The following AGBL4 variants were observed in gnomAD, a reference collection of about 807,000 sequenced individuals.
The protein encoded by AGBL4 is AGBL carboxypeptidase 4, also known as cytosolic carboxypeptidase 6.
AGBL4 carries 58 observed loss-of-function variants against 66.4 expected under a neutral mutation model. That is an observed-to-expected ratio of 0.87 (90% CI 0.71 to 1.09). AGBL4 has a LOEUF of 1.09. Among genes scored for constraint, AGBL4 ranks in the 50% least tolerant of loss-of-function variants. The pLI is 0.00. For missense variants in AGBL4, 579 were observed against 631.0 expected, an observed-to-expected ratio of 0.92 and a Z score of 0.88; for synonymous variants, 234 against 222.9, an observed-to-expected ratio of 1.05 and a Z score of -0.44.
chr1:48,985,869 A>G (rs890982374), intron 5 of AGBL4, among the ~76,000 whole-genome samples: 1 of 152,164 alleles, frequency 6.6e-6, no homozygotes, highest in Non-Finnish European at 1.5e-5. Context: ...CAAAATGGAC[A>G]TAGAACTGAT....
intron 3 of AGBL4, among the ~76,000 whole-genome samples, chr1:49,537,772 A>G (rs1015927249): frequency 6.6e-6 from 1 of 152,170 alleles, no homozygotes; most frequent in African/African-American, 2.4e-5. Context: ...AAAAAAATAC[A>G]AAACATTAGC....
intron 4 of AGBL4, among the ~76,000 whole-genome samples, chr1:49,144,051 C>G (rs1008075998): frequency 1.3e-5 from 2 of 152,194 alleles, no homozygotes; most frequent in East Asian, 3.9e-4. Flanking sequence ...CCTTGGTTTT[C>G]CTATCTGTAA....
At chr1:48,679,832 T>A (rs944785040) in intron 6 of AGBL4, among the ~76,000 whole-genome samples, 18 of 152,196 alleles carry the variant, frequency 1.2e-4, no homozygotes, top group South Asian at 2.1e-4. Context: ...TAAAGCCCAA[T>A]TTGTTAGTCG....
At chr1:49,017,828 C>T (rs1401529029) in intron 5 of AGBL4, among the ~76,000 whole-genome samples, 1 of 152,166 alleles carries the variant, frequency 6.6e-6, no homozygotes, top group Non-Finnish European at 1.5e-5. Context: ...AGAGCACTAA[C>T]CCTGGGGAAA....
At chr1:49,425,511 T>A (rs549053412) in intron 3 of AGBL4, among the ~76,000 whole-genome samples, 4 of 152,318 alleles carry the variant, frequency 2.6e-5, no homozygotes, top group Admixed American at 2.6e-4. Flanking sequence ...AATGTGTAAT[T>A]TATTGTTTCT....
intron 6 of AGBL4, among the ~76,000 whole-genome samples, chr1:48,811,770 G>A (rs894882846): frequency 2.4e-4 from 36 of 152,132 alleles, no homozygotes; most frequent in African/African-American, 8.2e-4. Context: ...TATCTAGGAA[G>A]AGCACATTGT....
intron 3 of AGBL4, among the ~76,000 whole-genome samples, chr1:49,357,981 C>A (rs952400692): frequency 6.6e-6 from 1 of 152,160 alleles, no homozygotes; most frequent in African/African-American, 2.4e-5. Context: ...CTCACCCATC[C>A]TCCCTACTCT....
chr1:49,578,976 G>A (rs553488446), intron 3 of AGBL4, among the ~76,000 whole-genome samples: 1 of 152,266 alleles, frequency 6.6e-6, no homozygotes, highest in South Asian at 2.1e-4. Context: ...AATTGGGTGG[G>A]TGCCATCTAA....
intron 4 of AGBL4, among the ~76,000 whole-genome samples, chr1:49,233,382 A>C (rs150444685): frequency 6.6e-6 from 1 of 152,332 alleles, no homozygotes; most frequent in Non-Finnish European, 1.5e-5. Flanking sequence ...GGCCCAAAAG[A>C]AATAGACTAA....
chr1:49,490,410 C>A (rs148197667), intron 3 of AGBL4, among the ~76,000 whole-genome samples: 3 of 151,436 alleles, frequency 2.0e-5, no homozygotes, highest in Middle Eastern at 3.4e-3. Context: ...CTGTTTTTTT[C>A]CTACATATTG....
chr1:49,021,996 A>C (rs749239599), intron 5 of AGBL4, among the ~76,000 whole-genome samples: 5 of 152,176 alleles, frequency 3.3e-5, no homozygotes, highest in Non-Finnish European at 7.4e-5. Context: ...TGGACCAACA[A>C]TATCAAGATT....
At chr1:49,225,868 G>C (rs1247066623) in intron 4 of AGBL4, among the ~76,000 whole-genome samples, 1 of 152,188 alleles carries the variant, frequency 6.6e-6, no homozygotes, top group Non-Finnish European at 1.5e-5. Context: ...CTACAGTAAT[G>C]AAAGGTGCTC....
intron 1 of AGBL4, among the ~76,000 whole-genome samples, chr1:50,020,663 A>G (rs926584671): frequency 2.0e-5 from 3 of 152,168 alleles, no homozygotes; most frequent in African/African-American, 7.2e-5. Context: ...TTAAATTGTC[A>G]AAAAAACTAA....
chr1:49,657,982 G>A (rs1302571413), intron 3 of AGBL4, among the ~76,000 whole-genome samples: 5 of 152,142 alleles, frequency 3.3e-5, no homozygotes, highest in Middle Eastern at 3.2e-3. Context: ...AAAAGCAATG[G>A]CAACCAAAGA....
chr1:49,575,318 C>G (rs1216654466), intron 3 of AGBL4, among the ~76,000 whole-genome samples: 1 of 152,124 alleles, frequency 6.6e-6, no homozygotes, highest in Non-Finnish European at 1.5e-5. Flanking sequence ...GGTCATTTCC[C>G]CAGTGCCAAA....
At position 49,347,123 on chromosome 1, in the gene AGBL4, T is replaced by C. The variant is rs373686368; in HGVS notation, c.283-101259A>G. On this transcript the variant is annotated intron_variant, in intron 3 of 13. Transcript: ENST00000371839. Reference sequence around the variant, plus strand: ...AACAATCCTTTGTCACAAGCCCTTGTAGATTTTTTTATCTTTGTTATCTTC... The same window carrying C: ...AACAATCCTTTGTCACAAGCCCTTGCAGATTTTTTTATCTTTGTTATCTTC... 3.6e-4 allele frequency among the ~76,000 whole-genome samples: 55 copies of C among 152,338 alleles called. 1 individual carries two copies. The South Asian group carries it at 9.7e-3, about 27-fold the overall frequency.
chr1:49,614,152 T>C (rs1251252952), intron 3 of AGBL4, among the ~76,000 whole-genome samples: 2 of 152,166 alleles, frequency 1.3e-5, no homozygotes, highest in Non-Finnish European at 2.9e-5. Context: ...CACACCTGTA[T>C]ATGTACCCCT....
chr1:49,196,157 T>C (rs1457021094), intron 4 of AGBL4, among the ~76,000 whole-genome samples: 1 of 152,194 alleles, frequency 6.6e-6, no homozygotes, highest in Non-Finnish European at 1.5e-5. Context: ...AGTATGAAAA[T>C]GGACTAATAC....
At chr1:49,194,518 G>T (rs978898639) in intron 4 of AGBL4, among the ~76,000 whole-genome samples, 1 of 151,902 alleles carries the variant, frequency 6.6e-6, no homozygotes, top group Non-Finnish European at 1.5e-5. Context: ...TACATTCAAG[G>T]TTAATATTGA....
Sources: allele counts gnomAD v4.1 joint callset (sites outside exome capture counted in the v4.1 genomes callset), GRCh38; gene constraint gnomAD v4.1.1; transcripts MANE v1.5; gene names NCBI Gene and HGNC (gene_info 2026-07-23, HGNC 2026-07-21).